CDK14: variants seen among roughly 807,000 people sequenced by gnomAD.
CDK14 encodes the protein cyclin dependent kinase 14, also known as cyclin-dependent kinase 14.
Under a neutral mutation model 60.7 loss-of-function variants are expected in CDK14, and 34 were observed. That is an observed-to-expected ratio of 0.56 (90% CI 0.43 to 0.75). CDK14 has a LOEUF of 0.75. Ranked by LOEUF, CDK14 falls within the 30% of genes least tolerant of loss-of-function variation. The pLI is 0.00. For synonymous variants in CDK14, 197 were observed against 203.7 expected, an observed-to-expected ratio of 0.97 and a Z score of 0.28; for missense variants, 482 against 564.1, an observed-to-expected ratio of 0.85 and a Z score of 1.47.
chr7:91,126,320 C>T (rs1036583430), intron 14 of CDK14, among the ~76,000 whole-genome samples: 17 of 152,146 alleles, frequency 1.1e-4, no homozygotes, highest in African/African-American at 3.9e-4. Flanking sequence ...GAATTTAATC[C>T]TCCCTGGCGC....
At chr7:90,904,707 G>A (rs78478574) in intron 7 of CDK14, among the ~76,000 whole-genome samples, 4,202 of 152,098 alleles carry the variant, frequency 0.028, 192 homozygotes, top group East Asian at 0.18. Context: ...CAAATGTATA[G>A]GATTGAGTTT....
At chr7:91,073,973 C>G (rs1230920959) in intron 11 of CDK14, among the ~76,000 whole-genome samples, 1 of 152,038 alleles carries the variant, frequency 6.6e-6, no homozygotes, top group Non-Finnish European at 1.5e-5. Flanking sequence ...TATATATGTA[C>G]CCAATACAGG....
chr7:91,204,519 A>G (rs889178188), intron 14 of CDK14, among the ~76,000 whole-genome samples: 1 of 152,232 alleles, frequency 6.6e-6, no homozygotes, highest in Admixed American at 6.5e-5. Flanking sequence ...AAATCATACT[A>G]TAAGGGATTA....
intron 10 of CDK14, among the ~76,000 whole-genome samples, chr7:91,030,434 A>T (rs1051477763): frequency 1.1e-4 from 16 of 152,146 alleles, no homozygotes; most frequent in African/African-American, 3.6e-4. Flanking sequence ...TACTGTGGGC[A>T]TAGCACCCAG....
chr7:90,615,229 A>T (rs1347050666), intron 2 of CDK14, among the ~76,000 whole-genome samples: 1 of 152,230 alleles, frequency 6.6e-6, no homozygotes. Flanking sequence ...TGCATCAGGC[A>T]AGTACTTATT....
At chr7:90,742,575 A>T (rs1389131780) in intron 3 of CDK14, among the ~76,000 whole-genome samples, 1 of 151,666 alleles carries the variant, frequency 6.6e-6, no homozygotes. Flanking sequence ...GATATCTTTT[A>T]TTGTCTTTAT....
intron 14 of CDK14, among the ~76,000 whole-genome samples, chr7:91,142,809 A>G (rs1405318009): frequency 6.6e-6 from 1 of 152,244 alleles, no homozygotes; most frequent in Non-Finnish European, 1.5e-5. Flanking sequence ...ACAAGTTTCT[A>G]AAGAAGAAAG....
chr7:90,838,640 C>G (rs764829492), intron 5 of CDK14, among the ~76,000 whole-genome samples: 5 of 152,082 alleles, frequency 3.3e-5, no homozygotes, highest in Non-Finnish European at 7.4e-5. Flanking sequence ...GATAGCCGCT[C>G]TGGGAGTGTC....
intron 5 of CDK14, among the ~76,000 whole-genome samples, chr7:90,828,417 A>G (rs1186735307): frequency 3.3e-5 from 5 of 152,168 alleles, no homozygotes; most frequent in Admixed American, 2.6e-4. Flanking sequence ...CCTTGAAGTA[A>G]TTATTTTATT....
intron 5 of CDK14, among the ~76,000 whole-genome samples, chr7:90,805,175 A>G (rs1207016150): frequency 6.6e-6 from 1 of 152,100 alleles, no homozygotes; most frequent in Non-Finnish European, 1.5e-5. Flanking sequence ...AGAATTCGTA[A>G]TGTACTTGTA....
At chr7:90,775,914 A>G (rs1004046520) in intron 4 of CDK14, among the ~76,000 whole-genome samples, 10 of 151,870 alleles carry the variant, frequency 6.6e-5, no homozygotes, top group African/African-American at 1.7e-4. Flanking sequence ...GTGGCATTAT[A>G]TGGTACATGT....
At chr7:91,085,385 C>T (rs1193863976) in intron 12 of CDK14, among the ~76,000 whole-genome samples, 1 of 152,178 alleles carries the variant, frequency 6.6e-6, no homozygotes, top group African/African-American at 2.4e-5. Flanking sequence ...GCCACCTTCT[C>T]CATCAAACAA....
At chr7:90,620,346 A>C (rs1468769205) in intron 2 of CDK14, among the ~76,000 whole-genome samples, 1 of 152,158 alleles carries the variant, frequency 6.6e-6, no homozygotes, top group Non-Finnish European at 1.5e-5. Context: ...ATTGATTGGC[A>C]CTGGCATGTC....
chr7:90,830,832 C>T (rs1789890426), intron 5 of CDK14, among the ~76,000 whole-genome samples: 1 of 152,168 alleles, frequency 6.6e-6, no homozygotes, highest in Non-Finnish European at 1.5e-5. Context: ...TAAATTTCCA[C>T]AGATCTCTAG....
intron 3 of CDK14, 34 bp from the exon 4 acceptor site, chr7:90,747,647 A>T: frequency 8.3e-7 from 1 of 1,203,676 alleles, no homozygotes; most frequent in East Asian, 2.5e-5. Context: ...AATTTGATAC[A>T]ATCTGTTTTG....
chr7:90,730,410 A>G (rs184864297), intron 3 of CDK14, among the ~76,000 whole-genome samples: 52 of 152,318 alleles, frequency 3.4e-4, no homozygotes, highest in African/African-American at 1.2e-3. Context: ...TTCTAGTTCT[A>G]GATCCTTGAG....
At chr7:91,059,391 T>G (rs968041744) in intron 11 of CDK14, among the ~76,000 whole-genome samples, 15 of 152,184 alleles carry the variant, frequency 9.9e-5, no homozygotes, top group African/African-American at 3.6e-4. Context: ...GGGTTTTTTG[T>G]GTCTCTATTT....
At chr7:90,910,247 C>T (rs1156570694) in intron 7 of CDK14, among the ~76,000 whole-genome samples, 2 of 151,984 alleles carry the variant, frequency 1.3e-5, no homozygotes, top group Non-Finnish European at 2.9e-5. Context: ...TAAAATAAAA[C>T]GATTTGGGTG....
At chr7:90,915,092 G>C (rs1793033842) in intron 7 of CDK14, among the ~76,000 whole-genome samples, 2 of 152,140 alleles carry the variant, frequency 1.3e-5, no homozygotes, top group South Asian at 4.1e-4. Context: ...TTCCTGAGGA[G>C]AGACCTAGGA....
Sources: gnomAD v4.1 joint callset for allele counts (sites outside exome capture counted in the v4.1 genomes callset) on GRCh38, gnomAD v4.1.1 for gene constraint, MANE v1.5 for transcripts, NCBI Gene and HGNC (gene_info 2026-07-23, HGNC 2026-07-21) for gene names.